The following PIEZO2 variants were observed in gnomAD, a reference collection of about 807,000 sequenced individuals.
PIEZO2 encodes piezo-type mechanosensitive ion channel component 2.
A neutral mutation model predicts 337.3 loss-of-function variants in PIEZO2; 172 were observed. That is an observed-to-expected ratio of 0.51 (90% CI 0.45 to 0.58). The LOEUF (loss-of-function observed/expected upper bound fraction) is 0.58, where lower values mean the gene tolerates loss of function less well. Among genes scored for constraint, PIEZO2 ranks in the 20% least tolerant of loss-of-function variants. The pLI is 0.00. For missense variants in PIEZO2, 3,028 were observed against 3,391.3 expected (o/e 0.89, Z 2.66); for synonymous variants, 1,251 against 1,228.5 (o/e 1.02, Z -0.38).
chr18:11,047,736 A>G lies in PIEZO2; in HGVS notation c.160+18391T>C, dbSNP rs1001503521. On this transcript the variant is annotated intron_variant, in intron 2 of 55. Transcript: ENST00000674853. The surrounding 1 kb of genome is among the most constrained non-coding windows in gnomAD (Gnocchi z 7.2). ...GTTAGGGCCTTTCTCCACAACAACTAAGAGTATGGCTTTGACAGGTGTCCC... is the reference window on the plus strand; with the variant it reads ...GTTAGGGCCTTTCTCCACAACAACTGAGAGTATGGCTTTGACAGGTGTCCC... Among the ~76,000 whole-genome samples the G allele has an allele frequency of 6.7e-6, 1 of 148,706 alleles. No individual in the cohort carries two copies. Among genetic ancestry groups the G allele is most frequent in the Non-Finnish European group, 1.5e-5 (1 of 68,002 alleles).
intron 3 of PIEZO2, among the ~76,000 whole-genome samples, chr18:10,918,591 A>C (rs1317259093): frequency 1.3e-5 from 2 of 152,104 alleles, no homozygotes; most frequent in Admixed American, 6.5e-5. Flanking sequence ...TGCGCTTTTC[A>C]AAATAAATAG....
Position 10,762,536 on chromosome 18 carries a change from G to A in PIEZO2, c.3213C>T (p.Gly1071=). 6.5e-7 allele frequency: 1 copy of A among 1,537,348 alleles called. No individual in the cohort carries two copies. Among genetic ancestry groups the A allele is most frequent in the Non-Finnish European group, 8.7e-7 (1 of 1,146,926 alleles). ...CTAGCAGAGGCGAAGACTTCCGCAG[G>A]CCGACCCACTCTGTAGGATCGATAG... is the stretch of plus-strand genomic sequence containing the variant. ...SAPIDPTEWV[G]LRKSSPLLVY... The change falls in exon 23 of 56, where the codon GGC becomes GGT. Residue 1071 remains glycine (G), a synonymous_variant. Coordinates refer to ENST00000674853, the MANE Select transcript of PIEZO2 (RefSeq NM_001378183.1).
chr18:10,970,724 G>A (rs563580477), intron 3 of PIEZO2, among the ~76,000 whole-genome samples: 96 of 151,594 alleles, frequency 6.3e-4, no homozygotes, highest in African/African-American at 2.2e-3. Flanking sequence ...GAGATATGGT[G>A]AGTCAGGAGA....
Position 10,681,788 on chromosome 18 carries a change from C to G in PIEZO2, c.7687-35G>C, listed in dbSNP as rs748900357. On this transcript the variant is annotated intron_variant, in intron 50 of 55. Coordinates refer to ENST00000674853, the MANE Select transcript of PIEZO2 (RefSeq NM_001378183.1). ...AAAGAGAACAGTGTTGTCAATATTC[C>G]CCAGCTCTTCTCTGCATCCTGAGTC... 9 of 1,501,546 alleles carry G rather than the reference C, an allele frequency of 6.0e-6. No homozygotes were observed. The South Asian group carries it at 1.0e-4, about 17-fold the overall frequency. 93.0% of individuals were successfully genotyped at this position (1,501,546 alleles called of 1,614,324 possible).
At chr18:10,720,413 GTGTATGTATATATATATATATATATA>G (rs1567983938) in intron 36 of PIEZO2, among the ~76,000 whole-genome samples, 3,933 of 36,676 alleles carry the variant, frequency 0.11, 509 homozygotes, top group Middle Eastern at 0.16. Flanking sequence ...GTATGTGTAT[GTGTATGTATATATATATATATATATA>G]TATATATATA....
intron 4 of PIEZO2, among the ~76,000 whole-genome samples, chr18:10,889,731 T>G (rs1490222274): frequency 6.6e-6 from 1 of 152,186 alleles, no homozygotes; most frequent in East Asian, 1.9e-4. Flanking sequence ...GATGACAGAC[T>G]AACAAGGAGG....
intron 2 of PIEZO2, among the ~76,000 whole-genome samples, chr18:11,062,148 A>G (rs1319216532): frequency 2.0e-5 from 3 of 152,070 alleles, no homozygotes; most frequent in Non-Finnish European, 4.4e-5. Context: ...GACAAAAACA[A>G]GAAATGGGGA....
At position 10,913,242 on chromosome 18, in the gene PIEZO2, A is replaced by C. The variant is rs182320783; in HGVS notation, c.287-2014T>G. 3.4e-3 allele frequency among the ~76,000 whole-genome samples: 521 copies of C among 152,318 alleles called. 4 individuals are homozygous for C. Among genetic ancestry groups the C allele is most frequent in the African/African-American group, 0.012 (493 of 41,582 alleles). On this transcript the variant is annotated intron_variant, in intron 3 of 55. Coordinates refer to ENST00000674853, the MANE Select transcript of PIEZO2 (RefSeq NM_001378183.1). ...TGCCCCTGAAATCCTAGCAATTAAGAGACTGGCAGAGAATACATAACCTGT... is the reference window on the plus strand; with the variant it reads ...TGCCCCTGAAATCCTAGCAATTAAGCGACTGGCAGAGAATACATAACCTGT...
intron 3 of PIEZO2, among the ~76,000 whole-genome samples, chr18:10,932,738 C>T (rs1489351146): frequency 1.3e-5 from 2 of 151,950 alleles, no homozygotes; most frequent in Non-Finnish European, 2.9e-5. Flanking sequence ...GCTTGGGCAA[C>T]ATAGGGAGAC....
At chr18:10,681,607 GA>G in intron 51 of PIEZO2, 53 bp downstream of exon 51, 1 of 1,405,136 alleles carries the variant, frequency 7.1e-7, no homozygotes, top group South Asian at 1.2e-5. Context: ...GACAATGAGT[GA>G]ACTTCCCTAG....
chr18:10,934,636 CGTGTGTGTGT>C lies in PIEZO2; in HGVS notation c.287-23418_287-23409del, dbSNP rs59190236. Among the ~76,000 whole-genome samples the C allele has an allele frequency of 2.9e-3, 377 of 130,822 alleles. 1 individual carries two copies. Among genetic ancestry groups the C allele is most frequent in the African/African-American group, 5.6e-3 (191 of 34,026 alleles). The allele number at this position is 130,822 out of a possible 152,430, so 85.8% of individuals were successfully genotyped here. On this transcript the variant is annotated intron_variant, in intron 3 of 55. Coordinates refer to ENST00000674853, the MANE Select transcript of PIEZO2 (RefSeq NM_001378183.1). ...TTAGGAATTGTCAGTATTGTGTGTA[CGTGTGTGTGT>C]GTGTGTGTGTGTGTGTGTGTGTGTG...
intron 7 of PIEZO2, among the ~76,000 whole-genome samples, chr18:10,808,784 A>C (rs1464509797): frequency 6.6e-6 from 1 of 152,194 alleles, no homozygotes; most frequent in East Asian, 1.9e-4. Flanking sequence ...TTAAAATGTA[A>C]ATTTCTTGTA....
intron 7 of PIEZO2, among the ~76,000 whole-genome samples, chr18:10,831,209 G>T (rs1448839738): frequency 6.6e-6 from 1 of 152,092 alleles, no homozygotes. Flanking sequence ...GAAGTATATC[G>T]AAGAGATCTG....
chr18:10,784,328 T>G lies in PIEZO2; in HGVS notation c.2492+456A>C, dbSNP rs1188391608. Among the ~76,000 whole-genome samples, 1 of 152,258 alleles carries G rather than the reference T, an allele frequency of 6.6e-6. No homozygotes were observed. The highest frequency in any genetic ancestry group is 1.5e-5 in the Non-Finnish European group (1 of 68,048). On this transcript the variant is annotated intron_variant, in intron 17 of 55. Transcript: ENST00000674853. This position sits in a 1 kb window ranked among gnomAD's most constrained non-coding sequence, Gnocchi z 4.5. ...GTTACTAGTCAATTGCAGATTCTGT[T>G]TTTTCAGCCAAAGTTCTTTATTTCC...
Position 11,038,660 on chromosome 18 carries a change from T to C in PIEZO2, c.160+27467A>G, listed in dbSNP as rs1417984739. 6.6e-6 allele frequency among the ~76,000 whole-genome samples: 1 copy of C among 152,204 alleles called. No individual in the cohort carries two copies. Among genetic ancestry groups the C allele is most frequent in the Non-Finnish European group, 1.5e-5 (1 of 68,042 alleles). On this transcript the variant is annotated intron_variant, in intron 2 of 55. Coordinates refer to ENST00000674853, the MANE Select transcript of PIEZO2 (RefSeq NM_001378183.1). The surrounding 1 kb of genome is among the most constrained non-coding windows in gnomAD (Gnocchi z 4.1). ...ATCAGAGCCCAGAAACGTGGCTTCCTCTACTGGCCCTACCACTTGCTTAAT... is the reference window on the plus strand; with the variant it reads ...ATCAGAGCCCAGAAACGTGGCTTCCCCTACTGGCCCTACCACTTGCTTAAT...
In PIEZO2 at chr18:10,903,113, C is replaced by T. The variant is rs1389247199; in HGVS notation, c.329+8073G>A. Among the ~76,000 whole-genome samples, 3 of 152,178 alleles carry T rather than the reference C, an allele frequency of 2.0e-5. No homozygotes were observed. Among genetic ancestry groups the T allele is most frequent in the Admixed American group, 6.5e-5 (1 of 15,280 alleles). On this transcript the variant is annotated intron_variant, in intron 4 of 55. Coordinates refer to ENST00000674853, the MANE Select transcript of PIEZO2 (RefSeq NM_001378183.1). This position sits in a 1 kb window ranked among gnomAD's most constrained non-coding sequence, Gnocchi z 4.1. ...TCCAGAATCCTTCCTCCCCTACACG[C>T]TGACAGTCAATTATTCACCAAGTTG...
At chr18:10,961,430 A>G (rs900446114) in intron 3 of PIEZO2, among the ~76,000 whole-genome samples, 7 of 152,194 alleles carry the variant, frequency 4.6e-5, no homozygotes, top group Admixed American at 1.3e-4. Context: ...GGAGGAGGCA[A>G]GGGACAAAAG....
rs1007309434 is a variant in PIEZO2, at chr18:11,069,657, T to C, written c.65-3435A>G. ...CTCTTGACACTTCCATTCAATGTGG[T>C]ACGGGAAGTCCTAGGCAGAGGAATT... is the stretch of plus-strand genomic sequence containing the variant. On this transcript the variant is annotated intron_variant, in intron 1 of 55. Coordinates refer to ENST00000674853, the MANE Select transcript of PIEZO2 (RefSeq NM_001378183.1). This position sits in a 1 kb window ranked among gnomAD's most constrained non-coding sequence, Gnocchi z 4.9. Among the ~76,000 whole-genome samples the C allele has an allele frequency of 1.3e-5, 2 of 152,148 alleles. No individual in the cohort carries two copies. The highest frequency in any genetic ancestry group is 1.3e-4 in the Admixed American group (2 of 15,274).
chr18:10,799,581 T>A (rs2039730045), intron 11 of PIEZO2, among the ~76,000 whole-genome samples: 1 of 152,164 alleles, frequency 6.6e-6, no homozygotes, highest in South Asian at 2.1e-4. Context: ...AATAGTGGTC[T>A]CCTTCAACAT....
Sources: gnomAD v4.1 joint callset for allele counts (sites outside exome capture counted in the v4.1 genomes callset) on GRCh38, gnomAD v4.1.1 for gene constraint, Gnocchi (gnomAD v3.1) non-coding constraint, MANE v1.5 for transcripts, NCBI Gene and HGNC (gene_info 2026-07-23, HGNC 2026-07-21) for gene names.